DUSP16: variants seen among roughly 807,000 people sequenced by gnomAD.
DUSP16 encodes dual specificity phosphatase 16.
Under a neutral mutation model 58.3 loss-of-function variants are expected in DUSP16, and 21 were observed. The ratio of observed to expected loss-of-function variants is 0.36; its 90% confidence interval spans 0.26 to 0.52. The LOEUF (loss-of-function observed/expected upper bound fraction) is 0.52, where lower values mean the gene tolerates loss of function less well. Ranked by LOEUF, DUSP16 falls within the 20% of genes least tolerant of loss-of-function variation. The pLI, the probability that DUSP16 is intolerant of heterozygous loss-of-function variation, is 0.94. For missense variants in DUSP16, 726 were observed against 819.0 expected (o/e 0.89, Z 1.39); for synonymous variants, 320 against 323.8 (o/e 0.99, Z 0.12).
At chr12:12,481,541 A>G (rs1943565058) in intron 5 of DUSP16, among the ~76,000 whole-genome samples, 2 of 152,224 alleles carry the variant, frequency 1.3e-5, no homozygotes, top group African/African-American at 4.8e-5. Flanking sequence ...ATACAAAGCT[A>G]TTCAATCTCA....
chr12:12,534,358 C>T (rs541550587), intron 1 of DUSP16, among the ~76,000 whole-genome samples: 1 of 152,280 alleles, frequency 6.6e-6, no homozygotes, highest in Admixed American at 6.5e-5. Flanking sequence ...AGTGACAGGC[C>T]AAGACCTAGG....
In DUSP16 at chr12:12,561,743, G is replaced by C. The variant is rs564442893; in HGVS notation, c.-366+374C>G. On this transcript the variant is annotated intron_variant, in intron 1 of 6. Coordinates refer to ENST00000298573, the MANE Select transcript of DUSP16 (RefSeq NM_030640.3). ...CGCCTGGAAGTGAGCAGCTTCGCCC[G>C]CAAAGGTGCCGCGTCCCGCGGCGGC... Among the ~76,000 whole-genome samples the C allele has an allele frequency of 2.6e-5, 4 of 152,158 alleles. No individual in the cohort carries two copies. In the South Asian group the frequency reaches 8.3e-4, roughly 32 times the overall value.
intron 3 of DUSP16, 44 bp downstream of exon 3, chr12:12,519,818 C>A: frequency 1.9e-6 from 3 of 1,608,652 alleles, no homozygotes; most frequent in Non-Finnish European, 2.6e-6. Flanking sequence ...ACTCATACAG[C>A]TCAGCAAGAT....
intron 4 of DUSP16, among the ~76,000 whole-genome samples, chr12:12,489,129 A>G (rs566995942): frequency 1.3e-5 from 2 of 152,322 alleles, no homozygotes; most frequent in South Asian, 4.1e-4. Context: ...CAGATTGTGT[A>G]TGCAACCATC....
intron 1 of DUSP16, among the ~76,000 whole-genome samples, chr12:12,548,650 A>G (rs1487332559): frequency 1.5e-4 from 23 of 149,124 alleles, no homozygotes; most frequent in East Asian, 2.1e-4. Flanking sequence ...AAAAAAAAGA[A>G]AAAGAAAAAG....
chr12:12,504,707 A>C (rs1168735082), intron 3 of DUSP16, among the ~76,000 whole-genome samples: 1 of 140,130 alleles, frequency 7.1e-6, no homozygotes, highest in African/African-American at 2.6e-5. Context: ...AAAAAAAAAA[A>C]AAAAAGAAAG....
chr12:12,491,154 A>AT (rs1313142484), intron 4 of DUSP16: 4 of 91,984 alleles, frequency 4.3e-5, no homozygotes, highest in Non-Finnish European at 1.0e-4. Flanking sequence ...TGCTCTCTTG[A>AT]TTTTTTTAAT....
chr12:12,483,114 AC>A (rs1943605867), intron 5 of DUSP16, among the ~76,000 whole-genome samples: 1 of 152,210 alleles, frequency 6.6e-6, no homozygotes, highest in Admixed American at 6.5e-5. Flanking sequence ...GGTGGCCATT[AC>A]CGCAATTAAG....
intron 1 of DUSP16, among the ~76,000 whole-genome samples, chr12:12,532,089 C>T (rs1329811191): frequency 2.0e-5 from 3 of 151,938 alleles, no homozygotes; most frequent in Admixed American, 1.3e-4. Context: ...ACCCGGGAAG[C>T]GGAGCTTGCA....
At chr12:12,496,553 T>G (rs1943830857) in intron 4 of DUSP16, among the ~76,000 whole-genome samples, 1 of 152,250 alleles carries the variant, frequency 6.6e-6, no homozygotes, top group African/African-American at 2.4e-5. Context: ...GAAGCTGCAG[T>G]GGTTCACCTC....
At chr12:12,526,599 G>A (rs566459427) in intron 1 of DUSP16, among the ~76,000 whole-genome samples, 54 of 152,198 alleles carry the variant, frequency 3.5e-4, no homozygotes, top group African/African-American at 1.3e-3. Flanking sequence ...GTTTTGTTTC[G>A]ATTTTTATTA....
At chr12:12,484,815 T>A (rs1049399458) in intron 5 of DUSP16, among the ~76,000 whole-genome samples, 1 of 151,858 alleles carries the variant, frequency 6.6e-6, no homozygotes, top group Admixed American at 6.6e-5. Flanking sequence ...AGAGACGTGT[T>A]GGCCAGGCTA....
chr12:12,544,461 T>C (rs1309735556), intron 1 of DUSP16, among the ~76,000 whole-genome samples: 1 of 152,224 alleles, frequency 6.6e-6, no homozygotes, highest in Non-Finnish European at 1.5e-5. Context: ...TACACATTTC[T>C]GTTGGGTATA....
intron 5 of DUSP16, among the ~76,000 whole-genome samples, chr12:12,484,133 A>C (rs1203683433): frequency 6.6e-6 from 1 of 152,054 alleles, no homozygotes; most frequent in Non-Finnish European, 1.5e-5. Context: ...AAGCAAGAAC[A>C]ACAACAAAAA....
chr12:12,482,560 AG>A (rs1943592564), intron 5 of DUSP16, among the ~76,000 whole-genome samples: 1 of 152,166 alleles, frequency 6.6e-6, no homozygotes, highest in Non-Finnish European at 1.5e-5. Context: ...GGCAGAGAGG[AG>A]AAGGGAAATG....
At chr12:12,523,433 C>G (rs575737637) in intron 1 of DUSP16, among the ~76,000 whole-genome samples, 1 of 152,314 alleles carries the variant, frequency 6.6e-6, no homozygotes, top group African/African-American at 2.4e-5. Flanking sequence ...CAGCTGCAAC[C>G]AAACTGTGCC....
chr12:12,534,913 A>G (rs566099319), intron 1 of DUSP16, among the ~76,000 whole-genome samples: 2 of 152,226 alleles, frequency 1.3e-5, no homozygotes, highest in Non-Finnish European at 2.9e-5. Context: ...TCAATATTTT[A>G]CATTTATATT....
chr12:12,522,133 C>T (rs1042197837), intron 1 of DUSP16, among the ~76,000 whole-genome samples: 3 of 152,210 alleles, frequency 2.0e-5, no homozygotes, highest in Non-Finnish European at 4.4e-5. Context: ...ACAGCAGCTG[C>T]TGAGCTAGGC....
At chr12:12,501,913 C>T (rs892597194) in intron 3 of DUSP16, among the ~76,000 whole-genome samples, 2 of 152,098 alleles carry the variant, frequency 1.3e-5, no homozygotes, top group Non-Finnish European at 2.9e-5. Context: ...TCGCTTGAAC[C>T]TAGAAGGCGG....
Sources: gnomAD v4.1 joint callset for allele counts (sites outside exome capture counted in the v4.1 genomes callset) on GRCh38, gnomAD v4.1.1 for gene constraint, MANE v1.5 for transcripts, NCBI Gene and HGNC (gene_info 2026-07-23, HGNC 2026-07-21) for gene names.